NPC1: variants seen among roughly 807,000 people sequenced by gnomAD.
The protein encoded by NPC1 is NPC intracellular cholesterol transporter 1.
NPC1 carries 85 observed loss-of-function variants against 140.4 expected under a neutral mutation model. The observed-to-expected ratio is 0.61, with a 90% CI of 0.51 to 0.72. NPC1 has a LOEUF of 0.72. NPC1 is among the 30% of genes least tolerant of loss of function. The pLI, the probability that NPC1 is intolerant of heterozygous loss-of-function variation, is 0.00. For missense variants in NPC1, 1,504 were observed against 1,623.8 expected (o/e 0.93, Z 1.27); for synonymous variants, 656 against 624.8 (o/e 1.05, Z -0.74).
chr18:23,551,040 C>T (rs2058865033), intron 10 of NPC1, among the ~76,000 whole-genome samples: 1 of 152,208 alleles, frequency 6.6e-6, no homozygotes, highest in Non-Finnish European at 1.5e-5. Flanking sequence ...CCTGTTGAGC[C>T]TGTAATTTGG....
intron 3 of NPC1, chr18:23,507,158 C>A: frequency 1.3e-6 from 1 of 777,396 alleles, no homozygotes; most frequent in South Asian, 1.7e-5. Flanking sequence ...TATTATCTTA[C>A]TGTTGTGAAA....
downstream of NPC1, among the ~76,000 whole-genome samples, chr18:23,525,872 TGAGGA>T (rs2145257745): frequency 6.6e-6 from 1 of 152,342 alleles, no homozygotes; most frequent in East Asian, 1.9e-4. Flanking sequence ...TAAGAACTCT[TGAGGA>T]GAGAATTAGC....
chr18:23,536,114 C>T (rs560784231), intron 21 of NPC1, among the ~76,000 whole-genome samples: 3 of 152,250 alleles, frequency 2.0e-5, no homozygotes, highest in South Asian at 4.1e-4. Flanking sequence ...CAGAGCTAAC[C>T]GGCTCTTAAC....
downstream of NPC1, chr18:23,527,998 G>A (rs998929370): frequency 9.8e-7 from 1 of 1,020,506 alleles, no homozygotes; most frequent in African/African-American, 1.7e-5. Flanking sequence ...CTATATATTA[G>A]AATAAGGTCG....
Position 23,541,072 on chromosome 18 carries a change from A to G in NPC1, c.2510T>C (p.Ile837Thr), listed in dbSNP as rs758474760. Residue 837 changes from isoleucine (I) to threonine (T), a missense_variant, in exon 16 of 25, where the codon ATT becomes ACT. Physicochemically the swap from Ile to Thr is moderately conservative, Grantham distance 89 (BLOSUM62 -1). Coordinates refer to ENST00000269228, the MANE Select transcript of NPC1 (RefSeq NM_000271.5). Reference sequence around the variant, plus strand: ...AAACCACAGATAAGCGCATACCACAATTGGTCTCATCCAGTCCTTTAGCAG... The same window carrying G: ...AAACCACAGATAAGCGCATACCACAGTTGGTCTCATCCAGTCCTTTAGCAG... ...PLLLKDWMRP[I>T]VIAIFVGVLS... The G allele has an allele frequency of 6.9e-5, 112 of 1,614,086 alleles. No individual in the cohort carries two copies. The highest frequency in any genetic ancestry group is 8.9e-5 in the Non-Finnish European group (105 of 1,180,032).
At chr18:23,571,804 C>T (rs1449781095) in intron 3 of NPC1, among the ~76,000 whole-genome samples, 3 of 152,022 alleles carry the variant, frequency 2.0e-5, no homozygotes, top group Non-Finnish European at 1.5e-5. Flanking sequence ...ACACCACAAA[C>T]CACTGCACTC....
At position 23,586,468 on chromosome 18, in the gene NPC1, G is replaced by C; in HGVS notation, c.-125C>G. ...GAGGAGCGGAGGAGCAGGAGCAGGC[G>C]CTGACCGCGGCAGCAGGCTGCGCGC... On this transcript the variant is annotated 5_prime_UTR_variant, in exon 1 of 25. Transcript: ENST00000269228. 1.4e-6 allele frequency: 2 copies of C among 1,458,772 alleles called. No homozygotes were observed. Among genetic ancestry groups the C allele is most frequent in the East Asian group, 2.7e-5 (1 of 36,694 alleles). The allele number at this position is 1,458,772 out of a possible 1,614,324, so 90.4% of individuals were successfully genotyped here.
downstream of NPC1, chr18:23,526,539 C>T (rs1399398403): frequency 1.4e-6 from 2 of 1,462,356 alleles, no homozygotes; most frequent in Admixed American, 2.1e-5. Context: ...TTTTTATCAC[C>T]ACCTGCCACC....
At chr18:23,523,533 CTTGT>C (rs2058199969) in intron 1 of NPC1, among the ~76,000 whole-genome samples, 1 of 100,598 alleles carries the variant, frequency 9.9e-6, no homozygotes, top group Non-Finnish European at 1.8e-5. Context: ...TAACATAGAC[CTTGT>C]CTTCACAAAA....
chr18:23,582,683 AG>A (rs1178784649), intron 1 of NPC1, among the ~76,000 whole-genome samples: 5 of 152,142 alleles, frequency 3.3e-5, no homozygotes, highest in African/African-American at 1.2e-4. Context: ...GCACACCTAT[AG>A]TCCCAGCTAC....
intron 1 of NPC1, among the ~76,000 whole-genome samples, chr18:23,578,138 G>A (rs1043790523): frequency 8.5e-5 from 13 of 152,252 alleles, no homozygotes; most frequent in African/African-American, 3.1e-4. Context: ...GCCCAGGCAG[G>A]GGAGGTGCCG....
At position 23,552,737 on chromosome 18, in the gene NPC1, G is replaced by A. The variant is rs142706876; in HGVS notation, c.1554-1010C>T. 5.0e-4 allele frequency among the ~76,000 whole-genome samples: 76 copies of A among 152,306 alleles called. No homozygotes were observed. The highest frequency in any genetic ancestry group is 9.6e-4 in the Non-Finnish European group (65 of 68,028). The stretch of plus-strand genomic sequence containing the variant: ...AGAAGCTTCTGCATATGACCCACCC[G>A]TCAGAGTGGATGGGTGACGGCATGA... On this transcript the variant is annotated intron_variant, in intron 9 of 24. Coordinates refer to ENST00000269228, the MANE Select transcript of NPC1 (RefSeq NM_000271.5).
At chr18:23,566,597 T>TACAC (rs113221621) in intron 4 of NPC1, among the ~76,000 whole-genome samples, 3 of 136,976 alleles carry the variant, frequency 2.2e-5, no homozygotes, top group Non-Finnish European at 4.7e-5. Flanking sequence ...ATAAAATACT[T>TACAC]ACACACACAC....
At chr18:23,538,116 C>G (rs941601510) in intron 20 of NPC1, among the ~76,000 whole-genome samples, 1 of 152,102 alleles carries the variant, frequency 6.6e-6, no homozygotes. Context: ...AGGAGCATGA[C>G]GAGGCTAAAA....
chr18:23,516,390 G>C (rs1489492776), intron 3 of NPC1: 1 of 1,614,224 alleles, frequency 6.2e-7, no homozygotes, highest in Admixed American at 1.7e-5. Context: ...ACTAAACCCA[G>C]CCTTTCCGAA....
At chr18:23,566,794 T>C (rs1389456486) in intron 4 of NPC1, among the ~76,000 whole-genome samples, 1 of 152,246 alleles carries the variant, frequency 6.6e-6, no homozygotes, top group Non-Finnish European at 1.5e-5. Context: ...TATAGTATCA[T>C]ATAGAGTATT....
chr18:23,539,087 G>A (rs1429790914), intron 19 of NPC1, among the ~76,000 whole-genome samples: 1 of 152,186 alleles, frequency 6.6e-6, no homozygotes, highest in East Asian at 1.9e-4. Flanking sequence ...GGCAATCGCT[G>A]GAGTTAGAAC....
At chr18:23,508,071 G>A in intron 3 of NPC1, 1 of 1,586,836 alleles carries the variant, frequency 6.3e-7, no homozygotes, top group Non-Finnish European at 8.6e-7. Context: ...CTCAGCTGCT[G>A]GTGTCAGTGG....
downstream of NPC1, chr18:23,529,003 C>T: frequency 9.8e-7 from 1 of 1,018,220 alleles, no homozygotes; most frequent in South Asian, 1.7e-5. Context: ...CCTCAGCCTC[C>T]TGAGTAGCTG....
Sources: gnomAD v4.1 joint callset for allele counts (sites outside exome capture counted in the v4.1 genomes callset) on GRCh38, gnomAD v4.1.1 for gene constraint, MANE v1.5 for transcripts, NCBI Gene and HGNC (gene_info 2026-07-23, HGNC 2026-07-21) for gene names.